Variants in CFH observed in about 807,000 individuals in gnomAD.
The protein encoded by CFH is complement factor H, also known as H factor 1 (complement).
CFH carries 53 observed loss-of-function variants against 147.3 expected under a neutral mutation model. The ratio of observed to expected loss-of-function variants is 0.36; its 90% CI spans 0.29 to 0.45. The LOEUF (loss-of-function observed/expected upper bound fraction) is 0.45, where lower values mean the gene tolerates loss of function less well. CFH is among the 20% of genes least tolerant of loss of function. CFH has a pLI of 1.00. For missense variants in CFH, 1,380 were observed against 1,498.0 expected (o/e 0.92, Z 1.30); for synonymous variants, 536 against 489.4 (o/e 1.10, Z -1.26).
intron 16 of CFH, 44 bp downstream of exon 16, chr1:196,737,050 G>T: frequency 6.7e-7 from 1 of 1,500,202 alleles, no homozygotes. Context: ...TTCAAATGAG[G>T]TTAATATTCT....
chr1:196,740,704 G>C lies in CFH; in HGVS notation c.2868G>C (p.Thr956=), dbSNP rs533238588. The C allele has an allele frequency of 6.2e-7, 1 of 1,613,816 alleles. No individual in the cohort carries two copies. Among genetic ancestry groups the C allele is most frequent in the South Asian group, 1.1e-5 (1 of 91,078 alleles). ...SDSYQYGEEV[T]YKCFEGFGID... is the part of the protein sequence containing the mutation. ...GTTATCAGTATGGAGAAGAAGTTACGTACAAATGTTTTGAAGGTTTTGGAA... is the reference window on the plus strand; with the variant it reads ...GTTATCAGTATGGAGAAGAAGTTACCTACAAATGTTTTGAAGGTTTTGGAA... The change falls in exon 18 of 22, where the codon ACG becomes ACC. Residue 956 remains threonine (T), a synonymous_variant. Transcript: ENST00000367429.
intron 11 of CFH, among the ~76,000 whole-genome samples, chr1:196,716,362 G>C (rs1668870930): frequency 1.3e-5 from 2 of 152,110 alleles, no homozygotes. Context: ...AGGTGGTAAA[G>C]CAGAGTCTAT....
At chr1:196,688,910 C>T (rs914916190) in intron 7 of CFH, among the ~76,000 whole-genome samples, 1 of 152,018 alleles carries the variant, frequency 6.6e-6, no homozygotes, top group Non-Finnish European at 1.5e-5. Context: ...TGCGCCCAGC[C>T]CATGAATTCA....
intron 9 of CFH, among the ~76,000 whole-genome samples, chr1:196,691,995 A>G (rs954898046): frequency 5.9e-5 from 9 of 151,988 alleles, no homozygotes; most frequent in Non-Finnish European, 1.3e-4. Context: ...TACCTTTCTC[A>G]AACAGTATAT....
chr1:196,681,677 A>G (rs1182687732), intron 6 of CFH, among the ~76,000 whole-genome samples: 3 of 151,834 alleles, frequency 2.0e-5, no homozygotes, highest in Non-Finnish European at 4.4e-5. Context: ...AAGACAGTTC[A>G]CTAATAATCG....
intron 15 of CFH, among the ~76,000 whole-genome samples, chr1:196,730,352 G>T (rs1410903289): frequency 6.6e-6 from 1 of 151,672 alleles, no homozygotes; most frequent in Non-Finnish European, 1.5e-5. Context: ...TTGTTTCAGA[G>T]CATATTGTCT....
Position 196,677,502 on chromosome 1 carries a change from C to G in CFH, c.454C>G (p.Pro152Ala). ...TGTGAAGTGTTTACCAGTGACAGCA[C>G]CAGAGAATGGAAAAATTGTCAGTAG... ...EVVKCLPVTA[P>A]ENGKIVSSAM... The change falls in exon 5 of 22, where the codon CCA (proline) becomes GCA (alanine). Residue 152 changes from proline (P) to alanine (A), a missense_variant. Transcript: ENST00000367429. 6.2e-7 allele frequency: 1 copy of G among 1,612,912 alleles called. No individual in the cohort carries two copies. Among genetic ancestry groups the G allele is most frequent in the Non-Finnish European group, 8.5e-7 (1 of 1,179,306 alleles).
intron 1 of CFH, 21 bp from the exon 2 acceptor site, chr1:196,672,956 AT>A (rs751825151): frequency 3.9e-5 from 62 of 1,600,914 alleles, no homozygotes; most frequent in Non-Finnish European, 4.3e-6. Context: ...TTATGCACTT[AT>A]TTTGTTTTTA....
chr1:196,704,599 G>A (rs1573045730), intron 9 of CFH, among the ~76,000 whole-genome samples: 1 of 152,162 alleles, frequency 6.6e-6, no homozygotes, highest in Non-Finnish European at 1.5e-5. Flanking sequence ...GGGAGGCCAG[G>A]GAAAACAAAA....
At chr1:196,701,964 A>G (rs1249520997) in intron 9 of CFH, among the ~76,000 whole-genome samples, 4 of 152,202 alleles carry the variant, frequency 2.6e-5, no homozygotes, top group African/African-American at 9.7e-5. Context: ...TCCTGTAGCT[A>G]GATTTGTTTT....
At chr1:196,657,676 A>T (rs1303258862) in intron 1 of CFH, among the ~76,000 whole-genome samples, 1 of 152,064 alleles carries the variant, frequency 6.6e-6, no homozygotes, top group Non-Finnish European at 1.5e-5. Flanking sequence ...TATTTTTGCT[A>T]TTTCTGTTTT....
At chr1:196,675,941 C>A (rs1285898633) in intron 3 of CFH, 48 bp from the exon 4 acceptor site, 1 of 1,224,644 alleles carries the variant, frequency 8.2e-7, no homozygotes, top group South Asian at 1.2e-5. Context: ...TTTAAAACTG[C>A]ATGTAAACAC....
Position 196,747,446 on chromosome 1 carries a change from A to T in CFH, c.*133A>T, listed in dbSNP as rs1010286899. On this transcript the variant is annotated 3_prime_UTR_variant, in exon 22 of 22. Transcript: ENST00000367429. ...TGGATTAATTTGTGAAAATGTAATTATAAGCTGAGACCGGTGGCTCTCTTC... is the reference window on the plus strand; with the variant it reads ...TGGATTAATTTGTGAAAATGTAATTTTAAGCTGAGACCGGTGGCTCTCTTC... 3.0e-6 allele frequency: 3 copies of T among 995,380 alleles called. No individual in the cohort carries two copies. Among genetic ancestry groups the T allele is most frequent in the Non-Finnish European group, 4.6e-6 (3 of 647,724 alleles). The allele number at this position is 995,380 out of a possible 1,614,324, so 61.7% of individuals were successfully genotyped here.
At chr1:196,689,075 G>T (rs1267949357) in intron 7 of CFH, among the ~76,000 whole-genome samples, 1 of 152,074 alleles carries the variant, frequency 6.6e-6, no homozygotes, top group Non-Finnish European at 1.5e-5. Flanking sequence ...GGTAAAATTG[G>T]CATATTTCTC....
At chr1:196,737,344 T>C (rs1669431110) in intron 16 of CFH, 131 bp from the exon 17 acceptor site, 1 of 702,494 alleles carries the variant, frequency 1.4e-6, no homozygotes, top group South Asian at 1.8e-5. Flanking sequence ...GTTTCTAATA[T>C]GTTTTTGTTT....
intron 9 of CFH, among the ~76,000 whole-genome samples, chr1:196,693,059 C>A (rs1019409645): frequency 2.0e-5 from 3 of 151,946 alleles, no homozygotes; most frequent in Non-Finnish European, 2.9e-5. Flanking sequence ...ATATAATTAA[C>A]AAGTCTTAGC....
At chr1:196,737,220 T>G (rs1391115534) in intron 16 of CFH, among the ~76,000 whole-genome samples, 1 of 152,192 alleles carries the variant, frequency 6.6e-6, no homozygotes, top group Non-Finnish European at 1.5e-5. Flanking sequence ...AAATGTCAGA[T>G]AACATTTCCA....
chr1:196,702,383 A>G (rs373885793), intron 9 of CFH, among the ~76,000 whole-genome samples: 1 of 152,194 alleles, frequency 6.6e-6, no homozygotes, highest in Admixed American at 6.5e-5. Flanking sequence ...ACAACTGCTT[A>G]CAGGAGGTGT....
intron 2 of CFH, chr1:196,673,398 G>C (rs539137322): frequency 1.6e-5 from 8 of 508,674 alleles, no homozygotes; most frequent in Middle Eastern, 1.1e-3. Flanking sequence ...GTGCAGTGGC[G>C]CTATTTCGGC....
Sources: gnomAD v4.1 joint callset for allele counts (sites outside exome capture counted in the v4.1 genomes callset) on GRCh38, gnomAD v4.1.1 for gene constraint, MANE v1.5 for transcripts, NCBI Gene and HGNC (gene_info 2026-07-23, HGNC 2026-07-21) for gene names.